Variants in TTLL5 observed in about 807,000 individuals in gnomAD.
TTLL5 encodes tubulin tyrosine ligase like 5.
Under a neutral mutation model 168.4 loss-of-function variants are expected in TTLL5, and 132 were observed. That is an observed-to-expected ratio of 0.78 (90% confidence interval 0.68 to 0.91). The LOEUF is 0.91. Ranked by LOEUF, TTLL5 falls within the 40% of genes least tolerant of loss-of-function variation. The pLI is 0.00. For synonymous variants in TTLL5, 546 were observed against 558.6 expected (o/e 0.98, Z 0.32); for missense variants, 1,545 against 1,581.5 (o/e 0.98, Z 0.39).
intron 12 of TTLL5, among the ~76,000 whole-genome samples, chr14:75,721,751 G>A (rs190460061): frequency 5.9e-5 from 9 of 152,186 alleles, no homozygotes; most frequent in African/African-American, 1.9e-4. Context: ...TGGCCCTTAC[G>A]TTGTACTCAA....
intron 31 of TTLL5, among the ~76,000 whole-genome samples, chr14:75,933,726 C>T (rs1295506703): frequency 6.6e-6 from 1 of 152,152 alleles, no homozygotes; most frequent in Non-Finnish European, 1.5e-5. Context: ...AGCCCTAACC[C>T]CCAATACCTC....
chr14:75,692,849 G>A (rs146649950), intron 6 of TTLL5, among the ~76,000 whole-genome samples: 1 of 152,142 alleles, frequency 6.6e-6, no homozygotes, highest in African/African-American at 2.4e-5. Flanking sequence ...TTTGGATGTC[G>A]ATGGGGCATC....
chr14:75,662,407 C>T (rs1313116012), intron 1 of TTLL5, among the ~76,000 whole-genome samples: 1 of 151,572 alleles, frequency 6.6e-6, no homozygotes, highest in Non-Finnish European at 1.5e-5. Flanking sequence ...TCACCGCAAC[C>T]TCCGCCTCCC....
At chr14:75,891,320 C>T (rs138483246) in intron 30 of TTLL5, among the ~76,000 whole-genome samples, 107 of 152,330 alleles carry the variant, frequency 7.0e-4, no homozygotes, top group Non-Finnish European at 1.3e-3. Flanking sequence ...TTCGTCACCT[C>T]CTCATCTGAC....
intron 5 of TTLL5, 104 bp downstream of exon 5, chr14:75,683,760 T>TGAA (rs1021960774): frequency 2.2e-6 from 2 of 897,918 alleles, no homozygotes; most frequent in African/African-American, 1.7e-5. Flanking sequence ...AAGATGAAAA[T>TGAA]GAAGAAGAAG....
intron 30 of TTLL5, among the ~76,000 whole-genome samples, chr14:75,893,817 C>CA (rs61332109): frequency 0.012 from 836 of 71,140 alleles, 10 homozygotes; most frequent in Middle Eastern, 0.025. Flanking sequence ...GACTCCATCT[C>CA]AAAAAAAAAA....
intron 28 of TTLL5, among the ~76,000 whole-genome samples, chr14:75,828,852 TG>T (rs1895388622): frequency 6.6e-6 from 1 of 152,228 alleles, no homozygotes; most frequent in Non-Finnish European, 1.5e-5. Context: ...AGGGTGAAAC[TG>T]GTAGTAAGTA....
intron 6 of TTLL5, among the ~76,000 whole-genome samples, chr14:75,697,233 C>T (rs1296500150): frequency 6.6e-6 from 1 of 152,206 alleles, no homozygotes; most frequent in Non-Finnish European, 1.5e-5. Flanking sequence ...TATTTATTCT[C>T]TGGCTTTTTA....
At chr14:75,690,985 C>T (rs1885419739) in intron 6 of TTLL5, among the ~76,000 whole-genome samples, 1 of 152,126 alleles carries the variant, frequency 6.6e-6, no homozygotes, top group Non-Finnish European at 1.5e-5. Context: ...CCCTTTTTCG[C>T]TTGCCATTTA....
intron 12 of TTLL5, among the ~76,000 whole-genome samples, chr14:75,729,641 A>G (rs1468059297): frequency 1.3e-5 from 2 of 152,122 alleles, no homozygotes; most frequent in South Asian, 2.1e-4. Flanking sequence ...ACATACCAAT[A>G]TATATTTCTT....
chr14:75,701,920 A>C (rs1165867924), intron 7 of TTLL5, among the ~76,000 whole-genome samples: 1 of 152,044 alleles, frequency 6.6e-6, no homozygotes, highest in Non-Finnish European at 1.5e-5. Flanking sequence ...CTGTCCTTCC[A>C]CTGGAACTCT....
chr14:75,669,399 C>CT lies in TTLL5; in HGVS notation c.75-11dup, dbSNP rs1566807654. Reference sequence around the variant, plus strand: ...GTTTTGAGCTGTAAATTAATGAAGGCTTTTTTGTCGTTATAGGGATCATCC... The same window carrying CT: ...GTTTTGAGCTGTAAATTAATGAAGGCTTTTTTTGTCGTTATAGGGATCATCC... On this transcript the variant is annotated splice_polypyrimidine_tract_variant and intron_variant, in intron 2 of 31. Coordinates refer to ENST00000298832, the MANE Select transcript of TTLL5 (RefSeq NM_015072.5). The CT allele has an allele frequency of 6.2e-7, 1 of 1,602,708 alleles. No individual in the cohort carries two copies. The highest frequency in any genetic ancestry group is 1.7e-4 in the Middle Eastern group (1 of 6,028).
chr14:75,696,616 A>C (rs926868817), intron 6 of TTLL5, among the ~76,000 whole-genome samples: 2 of 152,256 alleles, frequency 1.3e-5, no homozygotes, highest in Non-Finnish European at 2.9e-5. Context: ...CTTATAAATT[A>C]TATTTTTTGA....
intron 18 of TTLL5, among the ~76,000 whole-genome samples, chr14:75,760,126 C>G (rs1890539905): frequency 6.6e-6 from 1 of 151,974 alleles, no homozygotes; most frequent in African/African-American, 2.4e-5. Flanking sequence ...TACAAGAACA[C>G]AGAAGTGAAC....
rs1890306429 is a variant in TTLL5 at position 75,756,984 on chromosome 14, T to TTG, written c.1550+4030_1550+4031insGT. Reference sequence around the variant, plus strand: ...GGTTTTGTTGTTGTTGTTGTTGTTGTTTTGTTTTTTTTGAGAGGAGTCTCG... The same window carrying TTG: ...GGTTTTGTTGTTGTTGTTGTTGTTGTTGTTTGTTTTTTTTGAGAGGAGTCTCG... On this transcript the variant is annotated intron_variant, in intron 18 of 31. Coordinates refer to ENST00000298832, the MANE Select transcript of TTLL5 (RefSeq NM_015072.5). 2.7e-5 allele frequency among the ~76,000 whole-genome samples: 4 copies of TTG among 149,604 alleles called. No individual in the cohort carries two copies. In the Admixed American group the frequency reaches 2.7e-4, roughly 10 times the overall value.
chr14:75,811,154 A>T (rs1182266133), intron 27 of TTLL5, among the ~76,000 whole-genome samples: 3 of 2,396 alleles, frequency 1.3e-3, no homozygotes, highest in Non-Finnish European at 5.1e-3. Flanking sequence ...AATGAAAGAA[A>T]GAGTGTGTGT....
At chr14:75,725,624 T>C (rs1431362296) in intron 12 of TTLL5, among the ~76,000 whole-genome samples, 2 of 152,280 alleles carry the variant, frequency 1.3e-5, no homozygotes, top group Middle Eastern at 3.4e-3. Context: ...TGGCTCTTTC[T>C]CCACCCACAT....
In TTLL5 at chr14:75,707,072, C is replaced by T; in HGVS notation, c.640C>T (p.Pro214Ser). ...TTTGGTCTCCCGTTACATTAACAAC[C>T]CCCTGCTCATAGATGGTGAGTTGTG... ...NILVSRYINNPLLIDDFKFDV... is the reference protein window; with the variant it reads ...NILVSRYINNSLLIDDFKFDV... Residue 214 changes from proline (P) to serine (S), a missense_variant, in exon 8 of 32, where the codon CCC becomes TCC. Coordinates refer to ENST00000298832, the MANE Select transcript of TTLL5 (RefSeq NM_015072.5). 6.2e-7 allele frequency: 1 copy of T among 1,612,622 alleles called. No homozygotes were observed. Among genetic ancestry groups the T allele is most frequent in the Non-Finnish European group, 8.5e-7 (1 of 1,179,012 alleles).
chr14:75,709,051 T>C lies in TTLL5; in HGVS notation c.740+1344T>C, dbSNP rs113963661. The C allele has an allele frequency of 1.8e-4, 117 of 644,700 alleles. No individual in the cohort carries two copies. The African/African-American group carries it at 1.9e-3, about 11-fold the overall frequency. The allele number at this position is 644,700 out of a possible 1,614,324, so 39.9% of individuals were successfully genotyped here. On this transcript the variant is annotated intron_variant, in intron 9 of 31. Coordinates refer to ENST00000298832, the MANE Select transcript of TTLL5 (RefSeq NM_015072.5). ...CCACATTCAAAGCTGTCCTGGGCTG[T>C]ATGCAGCCTGTGGGCCTCAGGTTGG...
Sources: allele counts gnomAD v4.1 joint callset (sites outside exome capture counted in the v4.1 genomes callset), GRCh38; gene constraint gnomAD v4.1.1; transcripts MANE v1.5; gene names NCBI Gene and HGNC (gene_info 2026-07-23, HGNC 2026-07-21).